Variants in SLC25A48 observed in about 807,000 individuals in gnomAD.
SLC25A48 encodes the protein solute carrier family 25 member 48, also known as CTC-321K16.1.
A neutral mutation model predicts 32.2 loss-of-function variants in SLC25A48; 29 were observed. That is an observed-to-expected ratio of 0.90 (90% CI 0.67 to 1.23). The LOEUF (loss-of-function observed/expected upper bound fraction) is 1.23, where lower values mean the gene tolerates loss of function less well. Among genes scored for constraint, SLC25A48 ranks in the 50% most tolerant of loss-of-function variants. SLC25A48 has a pLI of 0.00. For synonymous variants in SLC25A48, 164 were observed against 172.3 expected (o/e 0.95, Z 0.38); for missense variants, 399 against 422.7 (o/e 0.94, Z 0.49).
At chr5:135,602,275 A>G (rs1751814732) in intron 1 of SLC25A48, among the ~76,000 whole-genome samples, 1 of 152,238 alleles carries the variant, frequency 6.6e-6, no homozygotes, top group Admixed American at 6.5e-5. Context: ...TCACCAATGT[A>G]CTTTCCCCAA....
chr5:135,741,771 C>T lies in SLC25A48; in HGVS notation c.-520-70752C>T, dbSNP rs182870348. On this transcript the variant is annotated intron_variant, in intron 3 of 10. Coordinates refer to the SLC25A48 transcript ENST00000646290. Reference sequence around the variant, plus strand: ...AAAAACATTTCAAAAATGTGAATGCCCTTCTTAGTTCACAGGCCATAAAAT... The same window carrying T: ...AAAAACATTTCAAAAATGTGAATGCTCTTCTTAGTTCACAGGCCATAAAAT... 8.5e-3 allele frequency among the ~76,000 whole-genome samples: 1,300 copies of T among 152,194 alleles called. 12 individuals are homozygous for T. The highest frequency in any genetic ancestry group is 0.021 in the Middle Eastern group (6 of 292).
intron 7 of SLC25A48, among the ~76,000 whole-genome samples, chr5:135,885,597 AC>A (rs1205990319): frequency 2.4e-4 from 36 of 151,114 alleles, no homozygotes; most frequent in Admixed American, 5.9e-4. Context: ...ATGTCTGTGC[AC>A]CCTCTCTTTC....
chr5:135,863,001 G>A (rs1460278519), intron 4 of SLC25A48, among the ~76,000 whole-genome samples: 2 of 152,174 alleles, frequency 1.3e-5, no homozygotes, highest in African/African-American at 4.8e-5. Context: ...CAGAAGAGTG[G>A]TGGGAATTGT....
chr5:135,758,243 A>G (rs2127015206), intron 3 of SLC25A48, among the ~76,000 whole-genome samples: 1 of 150,996 alleles, frequency 6.6e-6, no homozygotes, highest in African/African-American at 2.4e-5. Flanking sequence ...TGATATTTAT[A>G]ATATCCCTAG....
chr5:135,584,919 GT>G (rs1240201558), intron 1 of SLC25A48, among the ~76,000 whole-genome samples: 1 of 152,244 alleles, frequency 6.6e-6, no homozygotes, highest in African/African-American at 2.4e-5. Flanking sequence ...GGGCATTGTT[GT>G]TGTAAAGCTT....
intron 1 of SLC25A48, among the ~76,000 whole-genome samples, chr5:135,611,473 G>A (rs1483940140): frequency 8.8e-5 from 10 of 113,412 alleles, no homozygotes; most frequent in Non-Finnish European, 1.7e-4. Flanking sequence ...CTCCAGACTC[G>A]GTGACAGAGC....
chr5:135,638,408 G>GC (rs1263194550), intron 3 of SLC25A48, among the ~76,000 whole-genome samples: 1 of 151,946 alleles, frequency 6.6e-6, no homozygotes, highest in East Asian at 1.9e-4. Flanking sequence ...TTGGTAGGTG[G>GC]GGGAGGGGAG....
intron 3 of SLC25A48, among the ~76,000 whole-genome samples, chr5:135,781,320 G>A (rs1195913392): frequency 8.6e-6 from 1 of 116,954 alleles, no homozygotes; most frequent in Non-Finnish European, 2.1e-5. Context: ...TATGCAGAAG[G>A]GGTAGGGATG....
intron 1 of SLC25A48, among the ~76,000 whole-genome samples, chr5:135,604,583 G>A (rs191164525): frequency 1.3e-5 from 2 of 152,312 alleles, no homozygotes; most frequent in Admixed American, 6.5e-5. Context: ...GTCTGTTTCA[G>A]TGGGTCCCAC....
intron 1 of SLC25A48, chr5:135,609,610 A>G (rs1236914517): frequency 1.3e-5 from 2 of 152,192 alleles, no homozygotes; most frequent in African/African-American, 4.8e-5. Context: ...TTCCAGACAG[A>G]AGGACGCAGA....
chr5:135,729,686 G>A (rs1755179413), intron 3 of SLC25A48, among the ~76,000 whole-genome samples: 1 of 152,144 alleles, frequency 6.6e-6, no homozygotes, highest in African/African-American at 2.4e-5. Context: ...CTACCCCCTT[G>A]TGGATAGCTC....
rs140710229 is a variant in SLC25A48 at position 135,591,552 on chromosome 5, C to T, written c.-849+11955C>T. Among the ~76,000 whole-genome samples the T allele has an allele frequency of 2.0e-5, 3 of 152,332 alleles. No individual in the cohort carries two copies. In the East Asian group the frequency reaches 5.8e-4, roughly 29 times the overall value. ...CTGCCTCAACCCACCTGGAGTGTTC[C>T]ATGTATCCTGCTTTCTTCTGCAGCG... On this transcript the variant is annotated intron_variant, in intron 1 of 10. Coordinates refer to the SLC25A48 transcript ENST00000646290.
chr5:135,879,607 A>AGTGTGT lies in SLC25A48; in HGVS notation c.814-360_814-359insTGTGTG, dbSNP rs776733956. Among the ~76,000 whole-genome samples, 114 of 139,300 alleles carry AGTGTGT rather than the reference A, an allele frequency of 8.2e-4. No homozygotes were observed. In the South Asian group the frequency reaches 0.013, roughly 16 times the overall value. 91.4% of individuals were successfully genotyped at this position (139,300 alleles called of 152,430 possible). On this transcript the variant is annotated intron_variant, in intron 6 of 7. Transcript: ENST00000681962. ...AGGAGAGAGAGAGAGAGAGAGAGAG[A>AGTGTGT]GAGAGTGTGTGTGTGTGTGTGTGTG...
At chr5:135,752,290 G>A (rs975939494) in intron 3 of SLC25A48, among the ~76,000 whole-genome samples, 1 of 152,190 alleles carries the variant, frequency 6.6e-6, no homozygotes, top group Non-Finnish European at 1.5e-5. Context: ...AAGACTTCCA[G>A]CCGGGTGCAG....
intron 1 of SLC25A48, among the ~76,000 whole-genome samples, chr5:135,584,395 C>A (rs1399774888): frequency 6.6e-6 from 1 of 152,224 alleles, no homozygotes; most frequent in Non-Finnish European, 1.5e-5. Flanking sequence ...AACATGCATC[C>A]TCTTTGGCAA....
In SLC25A48 at chr5:135,585,765, G is replaced by GATAATAATA. The variant is rs575237605; in HGVS notation, c.-849+6182_-849+6190dup. Reference sequence around the variant, plus strand: ...TCTGCTTCCTCATCTGTAAAAAGAAGATAATAATAATAATAATAATAAATA... The same window carrying GATAATAATA: ...TCTGCTTCCTCATCTGTAAAAAGAAGATAATAATAATAATAATAATAATAATAATAAATA... On this transcript the variant is annotated intron_variant, in intron 1 of 10. Transcript: ENST00000646290. Among the ~76,000 whole-genome samples, 1,003 of 151,342 alleles carry GATAATAATA rather than the reference G, an allele frequency of 6.6e-3. 3 individuals are homozygous for GATAATAATA. Among genetic ancestry groups the GATAATAATA allele is most frequent in the South Asian group, 0.018 (84 of 4,766 alleles).
intron 3 of SLC25A48, among the ~76,000 whole-genome samples, chr5:135,652,695 C>T (rs1261868438): frequency 6.6e-6 from 1 of 152,138 alleles, no homozygotes; most frequent in African/African-American, 2.4e-5. Context: ...TCCCCATAGC[C>T]AGAATACAAG....
At chr5:135,718,788 T>C (rs1291908899) in intron 3 of SLC25A48, among the ~76,000 whole-genome samples, 3 of 152,104 alleles carry the variant, frequency 2.0e-5, no homozygotes, top group African/African-American at 7.3e-5. Flanking sequence ...TATGTAATGT[T>C]TTTCAAGTGA....
intron 1 of SLC25A48, among the ~76,000 whole-genome samples, chr5:135,606,825 C>T (rs973932693): frequency 2.0e-5 from 3 of 152,180 alleles, no homozygotes; most frequent in African/African-American, 7.2e-5. Flanking sequence ...TTTCCAGGCC[C>T]AGCGAAGCTG....
Sources: allele counts gnomAD v4.1 joint callset (sites outside exome capture counted in the v4.1 genomes callset), GRCh38; gene constraint gnomAD v4.1.1; transcripts MANE v1.5; gene names NCBI Gene and HGNC (gene_info 2026-07-23, HGNC 2026-07-21).